The following PARD3B variants were observed in gnomAD, a reference collection of about 807,000 sequenced individuals.
PARD3B encodes par-3 family cell polarity regulator beta, also known as partitioning defective 3 homolog B.
In PARD3B, 103 loss-of-function variants were observed where a neutral mutation model predicts 130.2. The observed-to-expected ratio is 0.79, with a 90% confidence interval of 0.67 to 0.93. The LOEUF (loss-of-function observed/expected upper bound fraction) is 0.93. Ranked by LOEUF, PARD3B falls within the 40% of genes least tolerant of loss-of-function variation. The probability of loss-of-function intolerance (pLI) is 0.00; values close to 1 mark genes in which losing one functional copy is unlikely to be tolerated. For missense variants in PARD3B, 1,609 were observed against 1,499.2 expected (o/e 1.07, Z -1.21); for synonymous variants, 583 against 553.2 (o/e 1.05, Z -0.76).
intron 2 of PARD3B, among the ~76,000 whole-genome samples, chr2:204,841,107 C>G (rs2044245144): frequency 6.6e-6 from 1 of 152,144 alleles, no homozygotes; most frequent in Admixed American, 6.5e-5. Context: ...CACAAAGAAG[C>G]TTGTTCTGCA....
chr2:205,222,622 C>T (rs2038302698), intron 15 of PARD3B, among the ~76,000 whole-genome samples: 1 of 152,218 alleles, frequency 6.6e-6, no homozygotes, highest in East Asian at 1.9e-4. Flanking sequence ...TGTTTTCCAT[C>T]AGTTAATAGT....
intron 2 of PARD3B, among the ~76,000 whole-genome samples, chr2:204,741,776 A>G (rs2040018831): frequency 6.6e-6 from 1 of 152,172 alleles, no homozygotes; most frequent in Admixed American, 6.5e-5. Context: ...GACACAAGCC[A>G]TCTGGCCCAG....
At position 205,015,770 on chromosome 2, in the gene PARD3B, A is replaced by G. The variant is rs1696101146; in HGVS notation, c.395-31811A>G. 6.6e-6 allele frequency among the ~76,000 whole-genome samples: 1 copy of G among 152,170 alleles called. No homozygotes were observed. The highest frequency in any genetic ancestry group is 1.5e-5 in the Non-Finnish European group (1 of 68,030). ...AACAATTGGCCCTATTTGACTTTGC[A>G]TGCCCAGGCCTCAGCACCTTGCCTG... is the stretch of plus-strand genomic sequence containing the variant. On this transcript the variant is annotated intron_variant, in intron 3 of 22. Coordinates refer to ENST00000406610, the MANE Select transcript of PARD3B (RefSeq NM_001302769.2). This position sits in a 1 kb window ranked among gnomAD's most constrained non-coding sequence, Gnocchi z 4.5.
At position 204,906,832 on chromosome 2, in the gene PARD3B, T is replaced by C. The variant is rs2047056829; in HGVS notation, c.223-58320T>C. On this transcript the variant is annotated intron_variant, in intron 2 of 22. Transcript: ENST00000406610. This position sits in a 1 kb window ranked among gnomAD's most constrained non-coding sequence, Gnocchi z 4.3. ...TCATCTGCGTGGTTTTGTACACCAT[T>C]TGAATTGGGATGCTTATGGTGATAT... is the stretch of plus-strand genomic sequence containing the variant. 6.6e-6 allele frequency among the ~76,000 whole-genome samples: 1 copy of C among 152,240 alleles called. No individual in the cohort carries two copies. Among genetic ancestry groups the C allele is most frequent in the Admixed American group, 6.5e-5 (1 of 15,288 alleles).
Position 205,056,992 on chromosome 2 carries a change from T to A in PARD3B, c.504+9302T>A, listed in dbSNP as rs970525372. On this transcript the variant is annotated intron_variant, in intron 4 of 22. Coordinates refer to ENST00000406610, the MANE Select transcript of PARD3B (RefSeq NM_001302769.2). Reference sequence around the variant, plus strand: ...AAGGCATCAAAGCGATTGATATTGATATAAGGTTATGGCATGTTTTGAGCA... The same window carrying A: ...AAGGCATCAAAGCGATTGATATTGAAATAAGGTTATGGCATGTTTTGAGCA... Among the ~76,000 whole-genome samples, 227 of 123,382 alleles carry A rather than the reference T, an allele frequency of 1.8e-3. 2 individuals carry two copies. Among genetic ancestry groups the A allele is most frequent in the Non-Finnish European group, 3.2e-3 (173 of 54,536 alleles). 80.9% of individuals were successfully genotyped at this position (123,382 alleles called of 152,430 possible). A position where few individuals can be genotyped will look rare whatever the true frequency, so the allele number is the denominator to read the frequency against.
At chr2:204,811,166 T>G (rs2042948103) in intron 2 of PARD3B, among the ~76,000 whole-genome samples, 1 of 152,140 alleles carries the variant, frequency 6.6e-6, no homozygotes. Context: ...ATACCCTTTG[T>G]TGTTCCTGAT....
At chr2:205,388,024 C>G (rs1193325408) in intron 18 of PARD3B, among the ~76,000 whole-genome samples, 1 of 152,112 alleles carries the variant, frequency 6.6e-6, no homozygotes, top group Non-Finnish European at 1.5e-5. Context: ...TTAAAAAGAG[C>G]CCCAGAGATG....
At position 205,300,274 on chromosome 2, in the gene PARD3B, C is replaced by T. The variant is rs1176518144; in HGVS notation, c.2186-256C>T. On this transcript the variant is annotated intron_variant, in intron 16 of 22. Transcript: ENST00000406610. The surrounding 1 kb of genome is among the most constrained non-coding windows in gnomAD (Gnocchi z 4.1). ...ATGCCTATAGACACACATGCATATA[C>T]ACTTCTGCATAGAGAGAAATGTACC... Among the ~76,000 whole-genome samples the T allele has an allele frequency of 2.0e-5, 3 of 152,148 alleles. No homozygotes were observed. Among genetic ancestry groups the T allele is most frequent in the Non-Finnish European group, 4.4e-5 (3 of 68,024 alleles).
chr2:205,030,395 G>A (rs962428161), intron 3 of PARD3B, among the ~76,000 whole-genome samples: 9 of 152,138 alleles, frequency 5.9e-5, no homozygotes, highest in Admixed American at 1.3e-4. Context: ...TGAGTTGTTT[G>A]AATGCTGAAA....
intron 2 of PARD3B, among the ~76,000 whole-genome samples, chr2:204,709,298 C>A (rs543535061): frequency 6.6e-6 from 1 of 152,132 alleles, no homozygotes; most frequent in Non-Finnish European, 1.5e-5. Flanking sequence ...TGATGCAGAA[C>A]GTACTGCAGT....
intron 20 of PARD3B, among the ~76,000 whole-genome samples, chr2:205,459,002 T>G (rs749862328): frequency 6.6e-6 from 1 of 152,186 alleles, no homozygotes; most frequent in African/African-American, 2.4e-5. Context: ...GTCTGTGTTG[T>G]TTACGAGTCC....
At position 205,258,771 on chromosome 2, in the gene PARD3B, A is replaced by T. The variant is rs116246006; in HGVS notation, c.2185+12949A>T. Among the ~76,000 whole-genome samples, 2 of 152,302 alleles carry T rather than the reference A, an allele frequency of 1.3e-5. No homozygotes were observed. The highest frequency in any genetic ancestry group is 3.9e-4 in the East Asian group (2 of 5,180). On this transcript the variant is annotated intron_variant, in intron 16 of 22. Coordinates refer to ENST00000406610, the MANE Select transcript of PARD3B (RefSeq NM_001302769.2). This position sits in a 1 kb window ranked among gnomAD's most constrained non-coding sequence, Gnocchi z 4.9. ...TAGCTGGATTTTGTTTTGATGTTCA[A>T]TGTGACAACCTGAATTGTAACTGGG...
At chr2:204,656,257 A>G (rs2035635430) in intron 1 of PARD3B, among the ~76,000 whole-genome samples, 1 of 152,188 alleles carries the variant, frequency 6.6e-6, no homozygotes, top group South Asian at 2.1e-4. Context: ...ACCATTTTTT[A>G]TAATCGATCT....
Position 204,562,316 on chromosome 2 carries a change from A to C in PARD3B, c.120+16197A>C, listed in dbSNP as rs137939948. On this transcript the variant is annotated intron_variant, in intron 1 of 22. Coordinates refer to ENST00000406610, the MANE Select transcript of PARD3B (RefSeq NM_001302769.2). ...TGACTCAGAAATCCTCACAGCGCTA[A>C]GATCTGATTGCTTATAGATTTATCC... Among the ~76,000 whole-genome samples, 1,220 of 152,332 alleles carry C rather than the reference A, an allele frequency of 8.0e-3. 10 individuals carry two copies. Among genetic ancestry groups the C allele is most frequent in the Non-Finnish European group, 0.013 (873 of 68,036 alleles).
At chr2:204,694,267 T>C (rs2037504444) in intron 2 of PARD3B, among the ~76,000 whole-genome samples, 1 of 152,070 alleles carries the variant, frequency 6.6e-6, no homozygotes. Context: ...AAATCCTCTG[T>C]GCTCTGAAAT....
intron 21 of PARD3B, among the ~76,000 whole-genome samples, chr2:205,535,965 C>T (rs1161950370): frequency 6.6e-6 from 1 of 152,122 alleles, no homozygotes; most frequent in Non-Finnish European, 1.5e-5. Context: ...ATTGCATTCA[C>T]CTGGGGTAGG....
chr2:205,227,558 A>G (rs2038624218), intron 15 of PARD3B, among the ~76,000 whole-genome samples: 1 of 151,556 alleles, frequency 6.6e-6, no homozygotes, highest in Admixed American at 6.6e-5. Flanking sequence ...TTTATTTTCA[A>G]TCTATGTCTG....
chr2:205,356,392 C>A (rs908542460), intron 18 of PARD3B, among the ~76,000 whole-genome samples: 32 of 151,950 alleles, frequency 2.1e-4, no homozygotes, highest in African/African-American at 7.5e-4. Flanking sequence ...TGCTCTGTCA[C>A]CCAGGCTGGA....
intron 22 of PARD3B, among the ~76,000 whole-genome samples, chr2:205,601,497 GT>G (rs775002550): frequency 2.0e-5 from 3 of 152,110 alleles, no homozygotes; most frequent in Non-Finnish European, 2.9e-5. Context: ...AAGCTCTTTA[GT>G]TTAATTAGAT....
Sources: gnomAD v4.1 joint callset for allele counts (sites outside exome capture counted in the v4.1 genomes callset) on GRCh38, gnomAD v4.1.1 for gene constraint, Gnocchi (gnomAD v3.1) non-coding constraint, MANE v1.5 for transcripts, NCBI Gene and HGNC (gene_info 2026-07-23, HGNC 2026-07-21) for gene names.